ZNF586: variants seen among roughly 807,000 people sequenced by gnomAD.
ZNF586 encodes zinc finger protein 586.
Under a neutral mutation model 6.7 loss-of-function variants are expected in ZNF586, and 7 were observed. The ratio of observed to expected loss-of-function variants is 1.04; its 90% CI spans 0.59 to 1.95. The LOEUF (loss-of-function observed/expected upper bound fraction) is 1.95. Ranked by LOEUF, ZNF586 falls within the 30% of genes most tolerant of loss-of-function variation. The pLI is 0.00. For missense variants in ZNF586, 442 were observed against 489.6 expected (o/e 0.90, Z 0.92); for synonymous variants, 166 against 168.7 (o/e 0.98, Z 0.12).
chr19:57,774,164 C>T lies in ZNF586; in HGVS notation c.37-2379C>T, dbSNP rs545848964. 3.7e-3 allele frequency among the ~76,000 whole-genome samples: 522 copies of T among 141,956 alleles called. 1 individual carries two copies. Among genetic ancestry groups the T allele is most frequent in the African/African-American group, 0.013 (500 of 38,044 alleles). 93.1% of individuals were successfully genotyped at this position (141,956 alleles called of 152,430 possible). On this transcript the variant is annotated intron_variant, in intron 1 of 2. Coordinates refer to ENST00000396154, the MANE Select transcript of ZNF586 (RefSeq NM_017652.4). ...CTGGGAGGCAGAGGTTGCAGTGAAC[C>T]GAGATTGTGTCATTGCACTCTAGCC...
intron 1 of ZNF586, among the ~76,000 whole-genome samples, chr19:57,771,072 C>T (rs1468483297): frequency 4.6e-5 from 7 of 151,842 alleles, no homozygotes; most frequent in Non-Finnish European, 1.0e-4. Flanking sequence ...GAGGCCGAGG[C>T]GGGCGGATCA....
intron 2 of ZNF586, among the ~76,000 whole-genome samples, chr19:57,777,605 G>A (rs912704024): frequency 6.6e-6 from 1 of 151,846 alleles, no homozygotes; most frequent in Non-Finnish European, 1.5e-5. Flanking sequence ...CCTACACCTT[G>A]TTGCTTCTGC....
At chr19:57,771,384 C>T (rs1286964747) in intron 1 of ZNF586, among the ~76,000 whole-genome samples, 1 of 151,908 alleles carries the variant, frequency 6.6e-6, no homozygotes, top group Non-Finnish European at 1.5e-5. Context: ...CTCAAGCAGT[C>T]CTCTTGCTTC....
intron 1 of ZNF586, among the ~76,000 whole-genome samples, chr19:57,773,493 T>G (rs910248488): frequency 1.4e-5 from 2 of 146,380 alleles, no homozygotes; most frequent in South Asian, 2.2e-4. Context: ...AACCTCCGCC[T>G]CCTGGGTTCA....
rs1307014716 is a variant in ZNF586, at chr19:57,779,640, G to C, written c.1053G>C (p.Gly351=). 2 of 1,613,506 alleles carry C rather than the reference G, an allele frequency of 1.2e-6. No individual in the cohort carries two copies. Among genetic ancestry groups the C allele is most frequent in the Admixed American group, 3.3e-5 (2 of 59,946 alleles). ...GGCCTTATGAGTGCAGTGACTGTGG[G>C]AAATCCTTTGCTGAAAACTCCAGCC... ...GERPYECSDC[G]KSFAENSSLI... is the part of the protein sequence containing the mutation. Residue 351 remains glycine (G), a synonymous_variant, in exon 3 of 3, where the codon GGG becomes GGC. Coordinates refer to ENST00000396154, the MANE Select transcript of ZNF586 (RefSeq NM_017652.4).
intron 1 of ZNF586, among the ~76,000 whole-genome samples, chr19:57,773,583 T>C (rs1193088842): frequency 2.6e-5 from 4 of 152,018 alleles, no homozygotes; most frequent in Admixed American, 2.6e-4. Context: ...TTTGTATTTT[T>C]AGTACAGACA....
rs1987358730 is a variant in ZNF586 at position 57,780,412 on chromosome 19, C to A, written c.*616C>A. ...CCATGAACCTGACTCATTTTTGGCACAGAGGACTCTTCTGATAACTTGAAA... is the reference window on the plus strand; with the variant it reads ...CCATGAACCTGACTCATTTTTGGCAAAGAGGACTCTTCTGATAACTTGAAA... On this transcript the variant is annotated 3_prime_UTR_variant, in exon 3 of 3. Coordinates refer to ENST00000396154, the MANE Select transcript of ZNF586 (RefSeq NM_017652.4). 6.6e-6 allele frequency: 1 copy of A among 152,278 alleles called. No individual in the cohort carries two copies. Among genetic ancestry groups the A allele is most frequent in the African/African-American group, 2.4e-5 (1 of 41,430 alleles). 9.4% of individuals were successfully genotyped at this position (152,278 alleles called of 1,614,324 possible). A position where few individuals can be genotyped will look rare whatever the true frequency, so the allele number is the denominator to read the frequency against.
intron 2 of ZNF586, among the ~76,000 whole-genome samples, chr19:57,778,463 TCA>T (rs1987294237): frequency 6.6e-6 from 1 of 152,182 alleles, no homozygotes. Context: ...TATATAGTAC[TCA>T]CACGTCATCA....
intron 1 of ZNF586, among the ~76,000 whole-genome samples, chr19:57,775,158 G>A (rs1261852777): frequency 6.6e-5 from 10 of 152,038 alleles, no homozygotes; most frequent in East Asian, 5.8e-4. Context: ...CACCACACCC[G>A]GCTAATTTTT....
rs547881640 is a variant in ZNF586 at position 57,779,089 on chromosome 19, C to T, written c.502C>T (p.Arg168Cys). 2.2e-5 allele frequency: 36 copies of T among 1,614,054 alleles called. No homozygotes were observed. The South Asian group carries it at 2.5e-4, about 11-fold the overall frequency. Residue 168 changes from arginine (R) to cysteine (C), a missense_variant, in exon 3 of 3, where the codon CGT becomes TGT. Physicochemically the swap from Arg to Cys is radical, Grantham distance 180 (BLOSUM62 -3). Coordinates refer to ENST00000396154, the MANE Select transcript of ZNF586 (RefSeq NM_017652.4). ...SFHQSSSLLQ[R>C]QTLHTRERPY... ...TCACCAAAGCTCTTCACTCTTGCAG[C>T]GTCAGACACTTCACACTAGAGAAAG... is the stretch of plus-strand genomic sequence containing the variant.
rs1338711152 is a variant in ZNF586 at position 57,779,432 on chromosome 19, G to A, written c.845G>A (p.Arg282Lys). 2 of 1,613,474 alleles carry A rather than the reference G, an allele frequency of 1.2e-6. No homozygotes were observed. Among genetic ancestry groups the A allele is most frequent in the South Asian group, 2.2e-5 (2 of 91,044 alleles). ...RRSSSLLQHQ[R>K]VHTRERPYEC... Reference sequence around the variant, plus strand: ...AGCTCTTCACTCTTGCAGCATCAGAGAGTTCACACTAGAGAAAGGCCTTAT... The same window carrying A: ...AGCTCTTCACTCTTGCAGCATCAGAAAGTTCACACTAGAGAAAGGCCTTAT... The change falls in exon 3 of 3, where the codon AGA becomes AAA. Residue 282 changes from arginine (R) to lysine (K), a missense_variant. By Grantham distance (26) the Arg-to-Lys change is conservative. Coordinates refer to ENST00000396154, the MANE Select transcript of ZNF586 (RefSeq NM_017652.4).
chr19:57,774,478 G>A (rs1471640501), intron 1 of ZNF586, among the ~76,000 whole-genome samples: 10 of 151,626 alleles, frequency 6.6e-5, no homozygotes, highest in Admixed American at 3.9e-4. Flanking sequence ...AGCTGAGATC[G>A]CGCCATTGCA....
chr19:57,779,161 A>T lies in ZNF586; in HGVS notation c.574A>T (p.Ser192Cys). 6.2e-7 allele frequency: 1 copy of T among 1,613,868 alleles called. No individual in the cohort carries two copies. The highest frequency in any genetic ancestry group is 8.5e-7 in the Non-Finnish European group (1 of 1,179,976). Residue 192 changes from serine (S) to cysteine (C), a missense_variant, in exon 3 of 3, where the codon AGT becomes TGT. Physicochemically the swap from Ser to Cys is moderately radical, Grantham distance 112. Transcript: ENST00000396154. ...TGGGAAAGCCTTTGCTGAAAAGTCC[A>T]GTCTCATTAACCACAGGAAAGTTCA... ...ECGKAFAEKS[S>C]LINHRKVHSG... is the part of the protein sequence containing the mutation.
At position 57,769,821 on chromosome 19, in the gene ZNF586, C is replaced by CG; in HGVS notation, c.-21dup. 2 of 1,527,046 alleles carry CG rather than the reference C, an allele frequency of 1.3e-6. No individual in the cohort carries two copies. Among genetic ancestry groups the CG allele is most frequent in the Non-Finnish European group, 1.8e-6 (2 of 1,137,166 alleles). 94.6% of individuals were successfully genotyped at this position (1,527,046 alleles called of 1,614,324 possible). On this transcript the variant is annotated 5_prime_UTR_variant, in exon 1 of 3. Transcript: ENST00000396154. ...AACGACAGGAACACCGCCGAGCCCG[C>CG]GTTCCCCCCCCGCCCAGAGTCATGG...
chr19:57,772,903 C>T (rs1204247315), intron 1 of ZNF586, among the ~76,000 whole-genome samples: 20 of 152,104 alleles, frequency 1.3e-4, no homozygotes, highest in Admixed American at 1.2e-3. Flanking sequence ...TTCCAGACCT[C>T]GAATCCTGAC....
chr19:57,776,658 T>G lies in ZNF586; in HGVS notation c.152T>G (p.Ile51Arg). The G allele has an allele frequency of 6.2e-7, 1 of 1,605,228 alleles. No individual in the cohort carries two copies. The highest frequency in any genetic ancestry group is 8.5e-7 in the Non-Finnish European group (1 of 1,176,062). ...RDVMLETLTL[I>R]SSLGCWHGGE... is the part of the protein sequence containing the mutation. ...GTGATGCTGGAGACCTTGACACTTA[T>G]ATCCTCCCTGGGTAAGGTACTCATA... is the stretch of plus-strand genomic sequence containing the variant. Residue 51 changes from isoleucine to arginine, a missense_variant, in exon 2 of 3, where the codon ATA becomes AGA. Physicochemically the swap from Ile to Arg is moderately conservative, Grantham distance 97. Coordinates refer to ENST00000396154, the MANE Select transcript of ZNF586 (RefSeq NM_017652.4).
chr19:57,770,112 G>C (rs988608541), intron 1 of ZNF586, among the ~76,000 whole-genome samples: 9 of 151,932 alleles, frequency 5.9e-5, no homozygotes, highest in African/African-American at 2.2e-4. Flanking sequence ...GGAACACGGG[G>C]ACATCGTGTG....
In ZNF586 at chr19:57,769,835, C is replaced by G. The variant is rs1987043528; in HGVS notation, c.-8C>G. Reference sequence around the variant, plus strand: ...CGCCGAGCCCGCGTTCCCCCCCCGCCCAGAGTCATGGCGGCAGCAGCCGCT... The same window carrying G: ...CGCCGAGCCCGCGTTCCCCCCCCGCGCAGAGTCATGGCGGCAGCAGCCGCT... On this transcript the variant is annotated 5_prime_UTR_variant, in exon 1 of 3. Transcript: ENST00000396154. 1 of 1,545,814 alleles carries G rather than the reference C, an allele frequency of 6.5e-7. No homozygotes were observed. The highest frequency in any genetic ancestry group is 1.4e-5 in the African/African-American group (1 of 72,918).
chr19:57,771,546 A>G (rs1020563923), intron 1 of ZNF586, among the ~76,000 whole-genome samples: 1 of 152,122 alleles, frequency 6.6e-6, no homozygotes, highest in Admixed American at 6.5e-5. Context: ...AGTTGTTGCT[A>G]TGTCTGTCAA....
Sources: gnomAD v4.1 joint callset for allele counts (sites outside exome capture counted in the v4.1 genomes callset) on GRCh38, gnomAD v4.1.1 for gene constraint, MANE v1.5 for transcripts, NCBI Gene and HGNC (gene_info 2026-07-23, HGNC 2026-07-21) for gene names.